NAV2: variants seen among roughly 807,000 people sequenced by gnomAD.
NAV2 encodes helicase, APC down-regulated 1.
A neutral mutation model predicts 223.2 loss-of-function variants in NAV2; 54 were observed. That is an observed-to-expected ratio of 0.24 (90% CI 0.19 to 0.30). The LOEUF is 0.30. Ranked by LOEUF, NAV2 falls within the 10% of genes least tolerant of loss-of-function variation. The pLI is 1.00. For missense variants in NAV2, 2,806 were observed against 3,147.5 expected (o/e 0.89, Z 2.60); for synonymous variants, 1,279 against 1,239.3 (o/e 1.03, Z -0.67).
intron 6 of NAV2, among the ~76,000 whole-genome samples, chr11:19,902,132 G>C (rs7121061): frequency 0.22 from 33,720 of 152,052 alleles, 4,159 homozygotes; most frequent in East Asian, 0.43. Flanking sequence ...AGAGGCACCT[G>C]AGTGACGTGC....
At position 19,971,789 on chromosome 11, in the gene NAV2, G is replaced by A. The variant is rs181057057; in HGVS notation, c.2646-12336G>A. On this transcript the variant is annotated intron_variant, in intron 10 of 37. Coordinates refer to ENST00000349880, the MANE Select transcript of NAV2 (RefSeq NM_145117.5). ...CACGATCTTGGCTCATGCAACCTCC[G>A]TCTACTGGGTTCAAGCAATTCTCCT... 7.0e-4 allele frequency among the ~76,000 whole-genome samples: 107 copies of A among 152,242 alleles called. 1 individual carries two copies. In the Middle Eastern group the frequency reaches 0.01, roughly 15 times the overall value.
chr11:20,023,094 G>T, intron 11 of NAV2: 1 of 1,551,762 alleles, frequency 6.4e-7, no homozygotes, highest in Non-Finnish European at 8.7e-7. Context: ...TCCAAGGGCC[G>T]CAATGTAGTG....
chr11:19,392,836 G>T (rs571943245), intron 1 of NAV2, among the ~76,000 whole-genome samples: 6 of 152,330 alleles, frequency 3.9e-5, no homozygotes, highest in African/African-American at 1.4e-4. Flanking sequence ...ATAGTGCTGG[G>T]CACACAGTTA....
chr11:19,896,529 T>C (rs2041997068), intron 6 of NAV2, among the ~76,000 whole-genome samples: 1 of 152,154 alleles, frequency 6.6e-6, no homozygotes, highest in South Asian at 2.1e-4. Flanking sequence ...TCTATCAAAA[T>C]GTGATAGGAT....
chr11:20,044,046 A>G lies in NAV2; in HGVS notation c.2973A>G (p.Lys991=), dbSNP rs148459598. The change falls in exon 13 of 38, where the codon AAA becomes AAG. Residue 991 remains lysine, a synonymous_variant. Coordinates refer to ENST00000349880, the MANE Select transcript of NAV2 (RefSeq NM_145117.5). ...TGTGGTCTGGTGATGATGTCAAGAAATCAGACGGAGGCTCAGACAGCGGCA... is the reference window on the plus strand; with the variant it reads ...TGTGGTCTGGTGATGATGTCAAGAAGTCAGACGGAGGCTCAGACAGCGGCA... ...NSLWSGDDVK[K]SDGGSDSGIK... is the part of the protein sequence containing the mutation. The G allele has an allele frequency of 3.1e-5, 50 of 1,614,210 alleles. No homozygotes were observed. The highest frequency in any genetic ancestry group is 5.0e-5 in the Admixed American group (3 of 60,028).
At chr11:19,646,494 A>G (rs1010742257) in intron 1 of NAV2, among the ~76,000 whole-genome samples, 2 of 152,116 alleles carry the variant, frequency 1.3e-5, no homozygotes, top group Admixed American at 6.5e-5. Flanking sequence ...ATGGCTCATG[A>G]CCACATCTGA....
chr11:19,963,796 C>G (rs1236924328), intron 10 of NAV2, among the ~76,000 whole-genome samples: 1 of 152,098 alleles, frequency 6.6e-6, no homozygotes, highest in African/African-American at 2.4e-5. Flanking sequence ...TGGTTCTCTG[C>G]GTGCTGGAAA....
In NAV2 at chr11:20,118,225, C is replaced by T. The variant is rs781022498; in HGVS notation, c.7257C>T (p.Asp2419=). The change falls in exon 38 of 38, where the codon GAC becomes GAT. Residue 2419 remains aspartate (D), a synonymous_variant. Transcript: ENST00000349880. ...CCAACAGCAACAGCCATCACGATGA[C>T]ATCTTGGACTCCTCTTTGGAGTCCA... ...SDSNSNSHHD[D]ILDSSLESTL 6.8e-6 allele frequency: 11 copies of T among 1,614,156 alleles called. No individual in the cohort carries two copies. The Admixed American group carries it at 1.2e-4, about 17-fold the overall frequency.
At chr11:19,360,656 C>T (rs529776817) in intron 1 of NAV2, among the ~76,000 whole-genome samples, 6 of 152,210 alleles carry the variant, frequency 3.9e-5, no homozygotes, top group East Asian at 1.9e-4. Context: ...GAGGGTGGAT[C>T]GCTCCAGAAG....
At chr11:19,407,492 G>A (rs924230304) in intron 1 of NAV2, among the ~76,000 whole-genome samples, 6 of 152,204 alleles carry the variant, frequency 3.9e-5, no homozygotes, top group Admixed American at 1.3e-4. Flanking sequence ...GTTAGGTGGT[G>A]TAAGCAGGTG....
chr11:19,649,996 A>C (rs2047923422), intron 1 of NAV2, among the ~76,000 whole-genome samples: 1 of 152,188 alleles, frequency 6.6e-6, no homozygotes, highest in South Asian at 2.1e-4. Flanking sequence ...CAGGAATGTA[A>C]AGTGATTCCA....
At chr11:19,530,060 G>A (rs2043979255) in intron 1 of NAV2, among the ~76,000 whole-genome samples, 1 of 152,164 alleles carries the variant, frequency 6.6e-6, no homozygotes, top group Non-Finnish European at 1.5e-5. Context: ...ACTGGTGGCA[G>A]CTGGAGGGTC....
intron 1 of NAV2, among the ~76,000 whole-genome samples, chr11:19,630,659 G>A (rs931655166): frequency 6.6e-6 from 1 of 152,188 alleles, no homozygotes; most frequent in Non-Finnish European, 1.5e-5. Context: ...GGCCAAGGAA[G>A]ATGGATCACT....
chr11:19,518,659 G>T (rs2043541134), intron 1 of NAV2: 1 of 152,192 alleles, frequency 6.6e-6, no homozygotes, highest in Admixed American at 6.5e-5. Context: ...TTTATTAGTT[G>T]TTTAACATTC....
intron 11 of NAV2, among the ~76,000 whole-genome samples, chr11:20,007,187 A>T (rs140690759): frequency 1.3e-5 from 2 of 151,422 alleles, no homozygotes; most frequent in Admixed American, 6.6e-5. Context: ...GAACTTCTGG[A>T]CTCCACGGCT....
chr11:19,992,180 C>T (rs1318024516), intron 11 of NAV2, among the ~76,000 whole-genome samples: 2 of 152,198 alleles, frequency 1.3e-5, no homozygotes, highest in Admixed American at 1.3e-4. Context: ...TAAAAGGAGC[C>T]TTAGAGGCAA....
intron 1 of NAV2, among the ~76,000 whole-genome samples, chr11:19,470,393 G>A (rs1245133753): frequency 6.6e-6 from 1 of 152,144 alleles, no homozygotes; most frequent in Non-Finnish European, 1.5e-5. Flanking sequence ...ACCTGAGACT[G>A]GGTAATTTAT....
chr11:19,640,355 T>C (rs921303422), intron 1 of NAV2, among the ~76,000 whole-genome samples: 1 of 152,076 alleles, frequency 6.6e-6, no homozygotes, highest in Non-Finnish European at 1.5e-5. Context: ...AGAGAAGATT[T>C]TACTGTGGTA....
chr11:19,751,296 C>T (rs1040831620), intron 1 of NAV2, among the ~76,000 whole-genome samples: 4 of 152,192 alleles, frequency 2.6e-5, no homozygotes, highest in Non-Finnish European at 5.9e-5. Context: ...AATACTCATA[C>T]TGCTAGTCAA....
Sources: allele counts gnomAD v4.1 joint callset (sites outside exome capture counted in the v4.1 genomes callset), GRCh38; gene constraint gnomAD v4.1.1; transcripts MANE v1.5; gene names NCBI Gene and HGNC (gene_info 2026-07-23, HGNC 2026-07-21).